The following LIPA variants were observed in gnomAD, a reference collection of about 807,000 sequenced individuals.
LIPA encodes the protein lysosomal acid lipase/cholesteryl ester hydrolase.
LIPA carries 26 observed loss-of-function variants against 40.6 expected under a neutral mutation model. That is an observed-to-expected ratio of 0.64 (90% CI 0.47 to 0.89). The LOEUF (loss-of-function observed/expected upper bound fraction) is 0.89. Among genes scored for constraint, LIPA ranks in the 40% least tolerant of loss-of-function variants. LIPA has a pLI of 0.00. For missense variants in LIPA, 455 were observed against 479.6 expected (o/e 0.95, Z 0.48); for synonymous variants, 188 against 168.4 (o/e 1.12, Z -0.90).
At chr10:89,339,879 T>C (rs780330986) in intron 1 of LIPA, 8 of 1,614,170 alleles carry the variant, frequency 5.0e-6, no homozygotes, top group Non-Finnish European at 6.8e-6. Context: ...TATCTGAAAA[T>C]CTGCTTCCAC....
chr10:89,283,472 G>A (rs896768088), intron 1 of LIPA, among the ~76,000 whole-genome samples: 3 of 152,156 alleles, frequency 2.0e-5, no homozygotes, highest in Non-Finnish European at 2.9e-5. Context: ...ATATTAGCTA[G>A]TGATGACAAC....
intron 1 of LIPA, among the ~76,000 whole-genome samples, chr10:89,293,042 A>C (rs1455641737): frequency 2.0e-5 from 3 of 152,156 alleles, no homozygotes; most frequent in East Asian, 1.9e-4. Flanking sequence ...ATCTCAAATT[A>C]TAATCCCCAT....
intron 1 of LIPA, among the ~76,000 whole-genome samples, chr10:89,251,329 C>T (rs1240260970): frequency 6.6e-6 from 1 of 152,174 alleles, no homozygotes; most frequent in African/African-American, 2.4e-5. Flanking sequence ...TCGACCACGC[C>T]GTTGGCTAAC....
rs35988627 is a variant in LIPA, at chr10:89,394,524, T to C, written c.61+18267A>G. 8.9e-3 allele frequency among the ~76,000 whole-genome samples: 1,337 copies of C among 149,642 alleles called. 18 individuals are homozygous for C. Among genetic ancestry groups the C allele is most frequent in the Non-Finnish European group, 0.014 (959 of 67,524 alleles). Reference sequence around the variant, plus strand: ...GTGATTATTTCAGATGGCAAACTCATTTGCTTTTATGTTTTCCTGCTTTTA... The same window carrying C: ...GTGATTATTTCAGATGGCAAACTCACTTGCTTTTATGTTTTCCTGCTTTTA... On this transcript the variant is annotated intron_variant, in intron 2 of 8. Coordinates refer to the LIPA transcript ENST00000371837.
intron 2 of LIPA, among the ~76,000 whole-genome samples, chr10:89,352,616 T>C (rs946991924): frequency 1.3e-5 from 2 of 152,102 alleles, no homozygotes; most frequent in Non-Finnish European, 2.9e-5. Flanking sequence ...GGTTTTTTCC[T>C]GCCCACTGCA....
At chr10:89,376,565 G>A (rs1242576210) in intron 2 of LIPA, among the ~76,000 whole-genome samples, 2 of 152,208 alleles carry the variant, frequency 1.3e-5, no homozygotes, top group African/African-American at 4.8e-5. Flanking sequence ...ACATCTGAGA[G>A]CATCATTAAC....
Position 89,237,011 on chromosome 10 carries a change from T to C in LIPA, c.230-8613A>G, listed in dbSNP as rs114457478. Among the ~76,000 whole-genome samples the C allele has an allele frequency of 2.2e-3, 338 of 152,358 alleles. 2 individuals are homozygous for C. The highest frequency in any genetic ancestry group is 7.6e-3 in the African/African-American group (316 of 41,584). ...AATATAGACCAGGCACGGTGGCTTA[T>C]GTTTGTAATCCCAGCATTTTGGGAG... On this transcript the variant is annotated intron_variant, in intron 3 of 9. Coordinates refer to ENST00000336233, the MANE Select transcript of LIPA (RefSeq NM_000235.4).
intron 3 of LIPA, 90 bp from the exon 4 acceptor site, chr10:89,228,488 A>G: frequency 9.4e-7 from 1 of 1,058,548 alleles, no homozygotes; most frequent in Non-Finnish European, 1.5e-6. Context: ...TAAAAGATCC[A>G]TAAGCAAATA....
intron 2 of LIPA, among the ~76,000 whole-genome samples, chr10:89,407,113 A>G (rs564094145): frequency 3.9e-5 from 6 of 152,274 alleles, no homozygotes; most frequent in African/African-American, 1.4e-4. Flanking sequence ...CTGTACTTCC[A>G]GGCTGAACCA....
intron 1 of LIPA, chr10:89,306,751 A>G (rs768881048): frequency 6.2e-7 from 1 of 1,614,160 alleles, no homozygotes; most frequent in South Asian, 1.1e-5. Flanking sequence ...AGCCAGACAA[A>G]GCGATTGAAC....
intron 6 of LIPA, among the ~76,000 whole-genome samples, chr10:89,224,165 C>G (rs1001357145): frequency 1.6e-4 from 24 of 152,216 alleles, no homozygotes; most frequent in African/African-American, 4.8e-4. Flanking sequence ...TCTGATGGAT[C>G]GGTGGTTACT....
chr10:89,359,771 T>C (rs532224813), intron 2 of LIPA, among the ~76,000 whole-genome samples: 32 of 151,814 alleles, frequency 2.1e-4, no homozygotes, highest in Non-Finnish European at 4.3e-4. Flanking sequence ...ACCCATCCAC[T>C]GAAGGCCTGG....
At chr10:89,225,897 T>C (rs1307822032) in intron 5 of LIPA, among the ~76,000 whole-genome samples, 1 of 152,182 alleles carries the variant, frequency 6.6e-6, no homozygotes, top group East Asian at 1.9e-4. Flanking sequence ...GCTCTCACTC[T>C]CTCTTGTCTG....
At chr10:89,413,908 G>C (rs1043073368) in intron 1 of LIPA, among the ~76,000 whole-genome samples, 1 of 152,170 alleles carries the variant, frequency 6.6e-6, no homozygotes, top group East Asian at 1.9e-4. Context: ...TTTGAACAAA[G>C]TCTGGCTCTT....
chr10:89,322,571 G>A (rs527530070), intron 1 of LIPA, among the ~76,000 whole-genome samples: 166 of 80,270 alleles, frequency 2.1e-3, no homozygotes, highest in Admixed American at 4.0e-3. Flanking sequence ...GCCCACCCCC[G>A]ACCCCACCAC....
At chr10:89,394,224 T>G (rs963988974) in intron 2 of LIPA, among the ~76,000 whole-genome samples, 2 of 152,194 alleles carry the variant, frequency 1.3e-5, no homozygotes, top group Non-Finnish European at 2.9e-5. Flanking sequence ...TTTGTTTATC[T>G]AAACATATTT....
intron 1 of LIPA, among the ~76,000 whole-genome samples, chr10:89,273,575 A>C (rs1843276193): frequency 6.6e-6 from 1 of 152,226 alleles, no homozygotes; most frequent in South Asian, 2.1e-4. Context: ...TGTTGTGCTG[A>C]GAAAAATATT....
chr10:89,286,302 C>T (rs957632356), intron 1 of LIPA, among the ~76,000 whole-genome samples: 1 of 152,018 alleles, frequency 6.6e-6, no homozygotes, highest in Non-Finnish European at 1.5e-5. Flanking sequence ...TCTTCCTTTT[C>T]TACGGACCCA....
exon 2 of LIPA, chr10:89,412,915 A>ATG: frequency 7.9e-6 from 2 of 253,532 alleles, no homozygotes; most frequent in Admixed American, 5.2e-5. Flanking sequence ...ACCAAGACCA[A>ATG]AAACCTACTG....
Sources: allele counts gnomAD v4.1 joint callset (sites outside exome capture counted in the v4.1 genomes callset), GRCh38; gene constraint gnomAD v4.1.1; transcripts MANE v1.5; gene names NCBI Gene and HGNC (gene_info 2026-07-23, HGNC 2026-07-21).